EFR3B: variants seen among roughly 807,000 people sequenced by gnomAD.
EFR3B encodes EFR3 homolog B.
In EFR3B, 64 loss-of-function variants were observed where a neutral mutation model predicts 104.7. The observed-to-expected ratio is 0.61, with a 90% CI of 0.50 to 0.75. The LOEUF is 0.75. EFR3B is among the 30% of genes least tolerant of loss of function. EFR3B has a pLI of 0.00. For synonymous variants in EFR3B, 385 were observed against 417.9 expected (o/e 0.92, Z 0.96); for missense variants, 750 against 1,078.5 (o/e 0.70, Z 4.27).
At position 25,042,142 on chromosome 2, in the gene EFR3B, C is replaced by A. The variant is rs567510971; in HGVS notation, c.-171C>A. 1.4e-3 allele frequency: 755 copies of A among 542,600 alleles called. 1 individual carries two copies. Among genetic ancestry groups the A allele is most frequent in the Middle Eastern group, 6.7e-3 (11 of 1,636 alleles). The allele number at this position is 542,600 out of a possible 1,614,324, so 33.6% of individuals were successfully genotyped here. A position where few individuals can be genotyped will look rare whatever the true frequency, so the allele number is the denominator to read the frequency against. ...CGGCGCTGAATGGGCTGGCGGCGCC[C>A]GGCTCCGTCCTGCCCGCGGCCGGCC... On this transcript the variant is annotated 5_prime_UTR_variant, in exon 1 of 23. Coordinates refer to ENST00000403714, the MANE Select transcript of EFR3B (RefSeq NM_014971.2). The surrounding 1 kb of genome is among the most constrained non-coding windows in gnomAD (Gnocchi z 5.4).
In EFR3B at chr2:25,079,831, AAC is replaced by A. The variant is rs1289066043; in HGVS notation, c.8-11490_8-11489del. The A allele has an allele frequency of 4.9e-6, 4 of 813,456 alleles. No individual in the cohort carries two copies. In the African/African-American group the frequency reaches 5.1e-5, roughly 10 times the overall value. 50.4% of individuals were successfully genotyped at this position (813,456 alleles called of 1,614,324 possible). A position where few individuals can be genotyped will look rare whatever the true frequency, so the allele number is the denominator to read the frequency against. On this transcript the variant is annotated intron_variant, in intron 1 of 22. Coordinates refer to ENST00000403714, the MANE Select transcript of EFR3B (RefSeq NM_014971.2). The stretch of plus-strand genomic sequence containing the variant: ...ACCTCCACACACCAAAAAGAACAAT[AAC>A]ACAGAACACAGTATCCTTAATGATT...
chr2:25,139,003 C>T (rs1670590806), intron 15 of EFR3B, 56 bp from the exon 16 acceptor site: 10 of 1,547,624 alleles, frequency 6.5e-6, no homozygotes, highest in Non-Finnish European at 7.9e-6. Context: ...GGAGCGTTGG[C>T]ACCCAGTGTA....
At chr2:25,076,743 C>T (rs1573184502) in intron 1 of EFR3B, among the ~76,000 whole-genome samples, 2 of 152,190 alleles carry the variant, frequency 1.3e-5, no homozygotes, top group South Asian at 2.1e-4. Context: ...CAATCAGACA[C>T]GTTTCTCTCC....
intron 1 of EFR3B, among the ~76,000 whole-genome samples, chr2:25,067,231 TC>T (rs1668360614): frequency 6.6e-6 from 1 of 151,750 alleles, no homozygotes; most frequent in Non-Finnish European, 1.5e-5. Flanking sequence ...ACCCTCTCCA[TC>T]CCTAGGCACC....
At chr2:25,106,226 G>A (rs1174972952) in intron 4 of EFR3B, among the ~76,000 whole-genome samples, 1 of 152,126 alleles carries the variant, frequency 6.6e-6, no homozygotes, top group African/African-American at 2.4e-5. Flanking sequence ...GGGGAAAGGG[G>A]GCCTAGGAGA....
intron 4 of EFR3B, among the ~76,000 whole-genome samples, chr2:25,107,809 C>CTT (rs34350239): frequency 1.4e-5 from 2 of 142,814 alleles, no homozygotes; most frequent in South Asian, 2.2e-4. Flanking sequence ...TTTAAGTGAG[C>CTT]TTTTTTTTTT....
chr2:25,132,851 G>A, intron 10 of EFR3B, 52 bp from the exon 11 acceptor site: 1 of 1,454,400 alleles, frequency 6.9e-7, no homozygotes, highest in Non-Finnish European at 9.4e-7. Flanking sequence ...TGAACCAGGA[G>A]GGGCCCTGGA....
In EFR3B at chr2:25,042,813, G is replaced by T. The variant is rs1452027718; in HGVS notation, c.7+494G>T. 2.4e-5 allele frequency: 13 copies of T among 536,530 alleles called. No individual in the cohort carries two copies. The highest frequency in any genetic ancestry group is 2.9e-5 in the Non-Finnish European group (12 of 419,578). The allele number at this position is 536,530 out of a possible 1,614,324, so 33.2% of individuals were successfully genotyped here. A position where few individuals can be genotyped will look rare whatever the true frequency, so the allele number is the denominator to read the frequency against. On this transcript the variant is annotated intron_variant, in intron 1 of 22. Coordinates refer to ENST00000403714, the MANE Select transcript of EFR3B (RefSeq NM_014971.2). The surrounding 1 kb of genome is among the most constrained non-coding windows in gnomAD (Gnocchi z 5.4). Reference sequence around the variant, plus strand: ...GCAGCCAGTGGCCGAGTCTCGTCTCGCCCGCCTGAATGGACTCGGCCTCTG... The same window carrying T: ...GCAGCCAGTGGCCGAGTCTCGTCTCTCCCGCCTGAATGGACTCGGCCTCTG...
intron 5 of EFR3B, among the ~76,000 whole-genome samples, chr2:25,126,652 G>C (rs1369143160): frequency 1.3e-5 from 2 of 151,810 alleles, no homozygotes; most frequent in Non-Finnish European, 2.9e-5. Context: ...GAGTCACCGC[G>C]CCCGGCCTAA....
At chr2:25,153,855 T>A in intron 22 of EFR3B, 94 bp downstream of exon 22, 1 of 1,275,102 alleles carries the variant, frequency 7.8e-7, no homozygotes, top group Non-Finnish European at 1.1e-6. Flanking sequence ...TTCTCTTCTC[T>A]CCTCCCCACC....
At chr2:25,074,262 G>A (rs952142568) in intron 1 of EFR3B, among the ~76,000 whole-genome samples, 11 of 152,132 alleles carry the variant, frequency 7.2e-5, no homozygotes, top group South Asian at 2.1e-4. Flanking sequence ...AGTTACCACC[G>A]TTGCTCAAAG....
At position 25,137,276 on chromosome 2, in the gene EFR3B, T is replaced by G; in HGVS notation, c.1561-65T>G. 1 of 1,526,586 alleles carries G rather than the reference T, an allele frequency of 6.6e-7. No homozygotes were observed. Among genetic ancestry groups the G allele is most frequent in the African/African-American group, 1.4e-5 (1 of 72,618 alleles). 94.6% of individuals were successfully genotyped at this position (1,526,586 alleles called of 1,614,324 possible). A position where few individuals can be genotyped will look rare whatever the true frequency, so the allele number is the denominator to read the frequency against. On this transcript the variant is annotated intron_variant, in intron 14 of 22. Coordinates refer to ENST00000403714, the MANE Select transcript of EFR3B (RefSeq NM_014971.2). The surrounding 1 kb of genome is among the most constrained non-coding windows in gnomAD (Gnocchi z 4.7). ...CCCCCTTCAGATTGGTCTTCCTCCG[T>G]GTTCTCCTTGCCCCTCCTGTCCCCA...
In EFR3B at chr2:25,114,460, C is replaced by T. The variant is rs1669806259; in HGVS notation, c.364-7213C>T. 6.6e-6 allele frequency among the ~76,000 whole-genome samples: 1 copy of T among 152,232 alleles called. No homozygotes were observed. Among genetic ancestry groups the T allele is most frequent in the Non-Finnish European group, 1.5e-5 (1 of 68,048 alleles). ...TTAGATAGCCCTGTTGCACACACCA[C>T]TTCTCCACGGGAGATCGGGGACTGG... is the stretch of plus-strand genomic sequence containing the variant. On this transcript the variant is annotated intron_variant, in intron 4 of 22. Coordinates refer to ENST00000403714, the MANE Select transcript of EFR3B (RefSeq NM_014971.2). The surrounding 1 kb of genome is among the most constrained non-coding windows in gnomAD (Gnocchi z 4.0).
At position 25,141,422 on chromosome 2, in the gene EFR3B, G is replaced by C; in HGVS notation, c.1911G>C (p.Val637=). The C allele has an allele frequency of 1.3e-6, 2 of 1,551,446 alleles. No individual in the cohort carries two copies. Among genetic ancestry groups the C allele is most frequent in the East Asian group, 4.9e-5 (2 of 40,904 alleles). Residue 637 remains valine, a synonymous_variant, in exon 17 of 23, where the codon GTG becomes GTC. Coordinates refer to ENST00000403714, the MANE Select transcript of EFR3B (RefSeq NM_014971.2). ...APYMLPEDVF[V]ERPRLSQNLD... ...ACATGCTCCCCGAGGATGTGTTTGT[G>C]GAGAGGCCCAGGTGAGGAGAGGACG...
intron 21 of EFR3B, among the ~76,000 whole-genome samples, chr2:25,153,331 G>A (rs2149215659): frequency 6.6e-6 from 1 of 152,084 alleles, no homozygotes; most frequent in East Asian, 1.9e-4. Flanking sequence ...TCCAGCCTGG[G>A]TAACAGAGCA....
chr2:25,079,792 A>G (rs1414200843), intron 1 of EFR3B: 2 of 666,646 alleles, frequency 3.0e-6, no homozygotes, highest in Non-Finnish European at 5.7e-6. Flanking sequence ...TTGTATACCT[A>G]CATGGCAATT....
At chr2:25,111,381 G>A (rs112564717) in intron 4 of EFR3B, among the ~76,000 whole-genome samples, 12 of 151,520 alleles carry the variant, frequency 7.9e-5, no homozygotes, top group African/African-American at 2.7e-4. Context: ...CCCTGGGATC[G>A]TGCCCATTTC....
At chr2:25,077,558 G>A (rs1199350079) in intron 1 of EFR3B, among the ~76,000 whole-genome samples, 2 of 152,170 alleles carry the variant, frequency 1.3e-5, no homozygotes, top group Non-Finnish European at 2.9e-5. Context: ...CAAAGTGTTG[G>A]GATTACAGGC....
chr2:25,084,386 G>A (rs1010996020), intron 1 of EFR3B, among the ~76,000 whole-genome samples: 2 of 152,086 alleles, frequency 1.3e-5, no homozygotes, highest in South Asian at 2.1e-4. Flanking sequence ...ACAGGTGCGC[G>A]CTGCCACGCC....
Sources: gnomAD v4.1 joint callset for allele counts (sites outside exome capture counted in the v4.1 genomes callset) on GRCh38, gnomAD v4.1.1 for gene constraint, Gnocchi (gnomAD v3.1) non-coding constraint, MANE v1.5 for transcripts, NCBI Gene and HGNC (gene_info 2026-07-23, HGNC 2026-07-21) for gene names.